The following VWA3A variants were observed in gnomAD, a reference collection of about 807,000 sequenced individuals.
VWA3A encodes the protein von Willebrand factor A domain-containing protein 3A.
VWA3A carries 134 observed loss-of-function variants against 160.4 expected under a neutral mutation model. That is an observed-to-expected ratio of 0.84 (90% CI 0.73 to 0.96). The LOEUF (loss-of-function observed/expected upper bound fraction) is 0.96, where lower values mean the gene tolerates loss of function less well. Among genes scored for constraint, VWA3A ranks in the 40% least tolerant of loss-of-function variants. The pLI is 0.00. For synonymous variants in VWA3A, 476 were observed against 543.4 expected (o/e 0.88, Z 1.72); for missense variants, 1,310 against 1,447.9 (o/e 0.90, Z 1.55).
intron 21 of VWA3A, among the ~76,000 whole-genome samples, chr16:22,136,893 A>ACACACACG (rs1555459592): frequency 4.1e-5 from 4 of 98,566 alleles, no homozygotes; most frequent in African/African-American, 2.1e-4. Flanking sequence ...ACACACACAC[A>ACACACACG]CGCACACACA....
intron 16 of VWA3A, among the ~76,000 whole-genome samples, chr16:22,124,970 G>A (rs151266558): frequency 1.3e-5 from 2 of 152,244 alleles, no homozygotes; most frequent in African/African-American, 4.8e-5. Context: ...AATAAGGCTA[G>A]AGATCTTAAA....
chr16:22,155,183 T>G (rs946322850), intron 31 of VWA3A, among the ~76,000 whole-genome samples: 1 of 151,922 alleles, frequency 6.6e-6, no homozygotes, highest in Non-Finnish European at 1.5e-5. Flanking sequence ...AGCATACCTG[T>G]AAGTCTACTT....
At chr16:22,111,819 G>A (rs1053598282) in intron 8 of VWA3A, among the ~76,000 whole-genome samples, 4 of 152,156 alleles carry the variant, frequency 2.6e-5, no homozygotes, top group Non-Finnish European at 4.4e-5. Flanking sequence ...ATCTCGCTAT[G>A]TTGTCCAGGC....
At chr16:22,144,424 C>T in intron 26 of VWA3A, 40 bp downstream of exon 26, 1 of 1,606,178 alleles carries the variant, frequency 6.2e-7, no homozygotes, top group South Asian at 1.1e-5. Context: ...TTTTCTCCCC[C>T]AACTCAGCTG....
In VWA3A at chr16:22,142,495, C is replaced by G. The variant is rs148886736; in HGVS notation, c.2495-173C>G. ...GCAAGTAATAGAGGGAGAACTTACT[C>G]GCTCCCCACCCTCTCACCAGAGAGA... On this transcript the variant is annotated intron_variant, in intron 24 of 33. Transcript: ENST00000389398. Among the ~76,000 whole-genome samples the G allele has an allele frequency of 4.0e-3, 615 of 152,062 alleles. 7 individuals are homozygous for G. Among genetic ancestry groups the G allele is most frequent in the African/African-American group, 0.014 (580 of 41,444 alleles).
In VWA3A at chr16:22,119,012, C is replaced by A; in HGVS notation, c.1101C>A (p.Thr367=). 1.2e-6 allele frequency: 2 copies of A among 1,612,530 alleles called. No individual in the cohort carries two copies. The highest frequency in any genetic ancestry group is 1.7e-6 in the Non-Finnish European group (2 of 1,179,236). ...LQHSSPCEAL[T]CTMEEISTEI... is the part of the protein sequence containing the mutation. ...ACAGCAGCCCCTGTGAGGCGCTCAC[C>A]TGCACCATGGAGGAGGTAGGTGGTG... is the stretch of plus-strand genomic sequence containing the variant. Residue 367 remains threonine (T), a synonymous_variant, in exon 12 of 34, where the codon ACC becomes ACA. Coordinates refer to ENST00000389398, the MANE Select transcript of VWA3A (RefSeq NM_173615.5).
At chr16:22,155,975 G>C in intron 33 of VWA3A, 57 bp from the exon 34 acceptor site, 1 of 1,550,542 alleles carries the variant, frequency 6.4e-7, no homozygotes, top group Non-Finnish European at 8.8e-7. Flanking sequence ...CAAGTGGCAT[G>C]CTCTATTTTG....
intron 6 of VWA3A, among the ~76,000 whole-genome samples, chr16:22,104,821 C>T (rs1381162046): frequency 6.6e-6 from 1 of 152,122 alleles, no homozygotes; most frequent in African/African-American, 2.4e-5. Context: ...TCTGGCTTCC[C>T]GTTTGCTTCC....
intron 20 of VWA3A, among the ~76,000 whole-genome samples, chr16:22,133,725 C>G (rs2045990134): frequency 6.6e-6 from 1 of 151,714 alleles, no homozygotes; most frequent in Admixed American, 6.6e-5. Flanking sequence ...TGGCTCACAC[C>G]TGTAATCTCA....
chr16:22,141,027 A>T (rs142046436), intron 23 of VWA3A, among the ~76,000 whole-genome samples: 1 of 152,338 alleles, frequency 6.6e-6, no homozygotes, highest in African/African-American at 2.4e-5. Flanking sequence ...TTTAAAGCCT[A>T]TAATGATCAA....
Position 22,131,291 on chromosome 16 carries a change from G to A in VWA3A, c.1727+12G>A. 1 of 1,613,648 alleles carries A rather than the reference G, an allele frequency of 6.2e-7. No individual in the cohort carries two copies. On this transcript the variant is annotated intron_variant, in intron 18 of 33. Coordinates refer to ENST00000389398, the MANE Select transcript of VWA3A (RefSeq NM_173615.5). ...CAAAGTGCCTGGCGGTAGGTTATGG[G>A]CAGAGACTTCGTGGGGCTGTGTCTG...
At position 22,142,700 on chromosome 16, in the gene VWA3A, G is replaced by A. The variant is rs943379302; in HGVS notation, c.2527G>A (p.Gly843Ser). 9.8e-5 allele frequency: 155 copies of A among 1,573,808 alleles called. No homozygotes were observed. Among genetic ancestry groups the A allele is most frequent in the Non-Finnish European group, 1.3e-4 (146 of 1,158,788 alleles). The change falls in exon 25 of 34, where the codon GGC becomes AGC. Residue 843 changes from glycine to serine, a missense_variant. By Grantham distance (56) the Gly-to-Ser change is moderately conservative. Transcript: ENST00000389398. Reference sequence around the variant, plus strand: ...GTACAAGAAGTACCCTCAAGGAAGGGGCTTGAGAAGGACTAGCTCTTCTAT... The same window carrying A: ...GTACAAGAAGTACCCTCAAGGAAGGAGCTTGAGAAGGACTAGCTCTTCTAT... ...SVYKKYPQGR[G>S]LRRTSSSIDL...
chr16:22,093,989 A>G (rs1252965374), intron 1 of VWA3A, among the ~76,000 whole-genome samples: 2 of 149,284 alleles, frequency 1.3e-5, no homozygotes, highest in Non-Finnish European at 3.0e-5. Context: ...TGGCTAGGCT[A>G]CTCTCAAACT....
Position 22,130,017 on chromosome 16 carries a change from G to A in VWA3A, c.1653-1188G>A, listed in dbSNP as rs557286894. Among the ~76,000 whole-genome samples, 151 of 152,148 alleles carry A rather than the reference G, an allele frequency of 9.9e-4. 1 individual carries two copies. Among genetic ancestry groups the A allele is most frequent in the Non-Finnish European group, 3.2e-4 (22 of 67,986 alleles). ...AGCCTGGCCGACGTGGTGAAACCCC[G>A]TCTCTACTAAAAATACAAAAATCAG... is the stretch of plus-strand genomic sequence containing the variant. On this transcript the variant is annotated intron_variant, in intron 17 of 33. Transcript: ENST00000389398.
At position 22,100,197 on chromosome 16, in the gene VWA3A, C is replaced by T. The variant is rs2045386095; in HGVS notation, c.229C>T (p.Leu77=). The change falls in exon 4 of 34, where the codon CTG becomes TTG. Residue 77 remains leucine (L), a synonymous_variant. Coordinates refer to ENST00000389398, the MANE Select transcript of VWA3A (RefSeq NM_173615.5). ...HVNQTQDLLR[L]QGSETQSSDW... ...GACTCTGGCTTTTGTCTTGCAGAGG[C>T]TGCAGGGGAGTGAGACCCAGTCTTC... The T allele has an allele frequency of 6.5e-7, 1 of 1,545,686 alleles. No individual in the cohort carries two copies. Among genetic ancestry groups the T allele is most frequent in the African/African-American group, 1.4e-5 (1 of 72,988 alleles).
At chr16:22,153,088 G>A (rs1369757015) in intron 31 of VWA3A, among the ~76,000 whole-genome samples, 1 of 152,148 alleles carries the variant, frequency 6.6e-6, no homozygotes, top group Non-Finnish European at 1.5e-5. Context: ...GTTCACACCT[G>A]TAATCCCATC....
chr16:22,095,121 G>A (rs1458131638), intron 1 of VWA3A, among the ~76,000 whole-genome samples: 3 of 152,108 alleles, frequency 2.0e-5, no homozygotes, highest in Non-Finnish European at 4.4e-5. Flanking sequence ...TCCCTCTAAT[G>A]AATGTATCGT....
intron 21 of VWA3A, among the ~76,000 whole-genome samples, chr16:22,135,201 G>T (rs1285461488): frequency 2.0e-5 from 3 of 150,056 alleles, no homozygotes; most frequent in Non-Finnish European, 4.4e-5. Flanking sequence ...CCAAGGTCAA[G>T]GCCTCATTGA....
rs2046441388 is a variant in VWA3A at position 22,156,402 on chromosome 16, C to T, written c.*385C>T. 1 of 163,512 alleles carries T rather than the reference C, an allele frequency of 6.1e-6. No homozygotes were observed. Among genetic ancestry groups the T allele is most frequent in the African/African-American group, 2.4e-5 (1 of 41,520 alleles). 10.1% of individuals were successfully genotyped at this position (163,512 alleles called of 1,614,324 possible). ...GGCACAGCTCAAATGACATCAGCTC[C>T]CTGGGACCTATCTAGAGCGAGGGGC... On this transcript the variant is annotated 3_prime_UTR_variant, in exon 34 of 34. Coordinates refer to ENST00000389398, the MANE Select transcript of VWA3A (RefSeq NM_173615.5).
Sources: allele counts gnomAD v4.1 joint callset (sites outside exome capture counted in the v4.1 genomes callset), GRCh38; gene constraint gnomAD v4.1.1; transcripts MANE v1.5; gene names NCBI Gene and HGNC (gene_info 2026-07-23, HGNC 2026-07-21).